Variants in ASXL3 observed in about 807,000 individuals in gnomAD.
The protein encoded by ASXL3 is ASXL transcriptional regulator 3, also known as putative Polycomb group protein ASXL3.
A neutral mutation model predicts 170.6 loss-of-function variants in ASXL3; 34 were observed. That is an observed-to-expected ratio of 0.20 (90% CI 0.15 to 0.27). The LOEUF (loss-of-function observed/expected upper bound fraction) is 0.27. Among genes scored for constraint, ASXL3 ranks in the 10% least tolerant of loss-of-function variants. The probability of loss-of-function intolerance (pLI) is 1.00; values close to 1 mark genes in which losing one functional copy is unlikely to be tolerated. For missense variants in ASXL3, 2,592 were observed against 2,695.3 expected (o/e 0.96, Z 0.85); for synonymous variants, 1,002 against 989.1 (o/e 1.01, Z -0.24).
chr18:33,637,684 T>A (rs1453773725), intron 2 of ASXL3, among the ~76,000 whole-genome samples: 1 of 152,170 alleles, frequency 6.6e-6, no homozygotes, highest in Non-Finnish European at 1.5e-5. Context: ...TTTTTGAGCT[T>A]GCAGGGGTGG....
At chr18:33,684,284 T>G (rs76180803) in intron 8 of ASXL3, among the ~76,000 whole-genome samples, 5 of 152,168 alleles carry the variant, frequency 3.3e-5, no homozygotes, top group African/African-American at 1.2e-4. Flanking sequence ...TTCAGTGAAT[T>G]CTGAAACTGT....
At position 33,607,676 on chromosome 18, in the gene ASXL3, G is replaced by T; in HGVS notation, c.137G>T (p.Ser46Ile). The change falls in exon 2 of 12, where the codon AGT (serine) becomes ATT (isoleucine). Residue 46 changes from serine to isoleucine, a missense_variant and splice_region_variant. Transcript: ENST00000269197. ...VIQKEGLKETSGTSPLACLNA... is the reference protein window; with the variant it reads ...VIQKEGLKETIGTSPLACLNA... ...CAGAAAGAAGGGTTAAAAGAAACAA[G>T]GTCAGTATCCATATTTAAAACATTT... 1 of 1,568,186 alleles carries T rather than the reference G, an allele frequency of 6.4e-7. No homozygotes were observed. The highest frequency in any genetic ancestry group is 8.7e-7 in the Non-Finnish European group (1 of 1,154,512).
In ASXL3 at chr18:33,661,635, T is replaced by C. The variant is rs1170984292; in HGVS notation, c.375T>C (p.Thr125=). The stretch of plus-strand genomic sequence containing the variant: ...TTCTAGTTTGTTCGAAGCAGGTAAC[T>C]GATGAAGCATCTTCCACTCGAGATT... The part of the protein sequence containing the change: ...EENGVCSKQV[T]DEASSTRDSS... Residue 125 remains threonine (T), a synonymous_variant, in exon 5 of 12, where the codon ACT becomes ACC. Transcript: ENST00000269197. 8.7e-6 allele frequency: 14 copies of C among 1,611,358 alleles called. No homozygotes were observed. In the African/African-American group the frequency reaches 1.1e-4, roughly 12 times the overall value.
At chr18:33,727,739 A>G (rs1253541835) in intron 8 of ASXL3, among the ~76,000 whole-genome samples, 1 of 152,184 alleles carries the variant, frequency 6.6e-6, no homozygotes, top group Admixed American at 6.5e-5. Flanking sequence ...AGAAATGTTT[A>G]TTGTTCCAGT....
At chr18:33,590,295 T>C (rs1280903055) in intron 1 of ASXL3, among the ~76,000 whole-genome samples, 1 of 151,952 alleles carries the variant, frequency 6.6e-6, no homozygotes. Context: ...ATCTCTCTCT[T>C]ATTTTTTAAG....
chr18:33,662,829 GT>G (rs938087361), intron 5 of ASXL3, among the ~76,000 whole-genome samples: 4 of 152,056 alleles, frequency 2.6e-5, no homozygotes, highest in South Asian at 2.1e-4. Context: ...CTAAAATAGA[GT>G]TTTTTTAAGT....
At chr18:33,597,193 A>C (rs1318604745) in intron 1 of ASXL3, among the ~76,000 whole-genome samples, 1 of 152,100 alleles carries the variant, frequency 6.6e-6, no homozygotes, top group African/African-American at 2.4e-5. Context: ...ATTACATAAT[A>C]TGTAGAGTCT....
Position 33,578,493 on chromosome 18 carries a change from CG to C in ASXL3, c.-138del. The C allele has an allele frequency of 3.0e-6, 1 of 334,348 alleles. No individual in the cohort carries two copies. Among genetic ancestry groups the C allele is most frequent in the Non-Finnish European group, 4.5e-6 (1 of 219,888 alleles). The allele number at this position is 334,348 out of a possible 1,614,324, so 20.7% of individuals were successfully genotyped here. ...CCGCCGCCGCCGCCGCCGCCGCCGC[CG>C]CCGCCACCGCCCGCGCGCCTCCCCC... On this transcript the variant is annotated 5_prime_UTR_variant, in exon 1 of 12. Coordinates refer to ENST00000269197, the MANE Select transcript of ASXL3 (RefSeq NM_030632.3).
At chr18:33,597,807 C>T (rs573214238) in intron 1 of ASXL3, among the ~76,000 whole-genome samples, 19 of 137,754 alleles carry the variant, frequency 1.4e-4, no homozygotes, top group Non-Finnish European at 2.1e-4. Context: ...AAAAAAAAAA[C>T]AAAAAAAACA....
intron 8 of ASXL3, among the ~76,000 whole-genome samples, chr18:33,691,411 G>C (rs181099355): frequency 6.6e-6 from 1 of 152,282 alleles, no homozygotes; most frequent in African/African-American, 2.4e-5. Context: ...ATCCTAACTT[G>C]AAGGAGCTGT....
chr18:33,745,338 A>G lies in ASXL3; in HGVS notation c.5490A>G (p.Arg1830=), dbSNP rs771179240. Residue 1830 remains arginine, a synonymous_variant, in exon 12 of 12, where the codon AGA becomes AGG. Coordinates refer to ENST00000269197, the MANE Select transcript of ASXL3 (RefSeq NM_030632.3). ...MRKRENHPKK[R]VARTVGEHTQ... ...AGCGAGAAAACCACCCCAAAAAGAG[A>G]GTAGCTAGGACTGTAGGAGAACACA... 3.1e-6 allele frequency: 5 copies of G among 1,613,844 alleles called. No individual in the cohort carries two copies. Among genetic ancestry groups the G allele is most frequent in the Admixed American group, 1.7e-5 (1 of 59,996 alleles).
At chr18:33,698,265 T>C (rs1045990756) in intron 8 of ASXL3, among the ~76,000 whole-genome samples, 10 of 152,180 alleles carry the variant, frequency 6.6e-5, no homozygotes, top group African/African-American at 1.4e-4. Context: ...TTTGGAAGCA[T>C]AGAATATCCT....
chr18:33,704,304 A>G (rs2066924124), intron 8 of ASXL3, among the ~76,000 whole-genome samples: 1 of 152,094 alleles, frequency 6.6e-6, no homozygotes, highest in African/African-American at 2.4e-5. Context: ...TGCCTCTGAA[A>G]AAAGAATTAT....
At chr18:33,619,065 T>C (rs2065470716) in intron 2 of ASXL3, among the ~76,000 whole-genome samples, 1 of 152,144 alleles carries the variant, frequency 6.6e-6, no homozygotes, top group African/African-American at 2.4e-5. Context: ...ATAAATTACC[T>C]TGAAACAAAA....
At chr18:33,665,887 C>T (rs2066248240) in intron 5 of ASXL3, among the ~76,000 whole-genome samples, 1 of 152,076 alleles carries the variant, frequency 6.6e-6, no homozygotes, top group Non-Finnish European at 1.5e-5. Flanking sequence ...GTGATATGAT[C>T]TTTACTTTTC....
intron 2 of ASXL3, among the ~76,000 whole-genome samples, chr18:33,623,981 A>C (rs1258938389): frequency 6.6e-6 from 1 of 152,060 alleles, no homozygotes; most frequent in Non-Finnish European, 1.5e-5. Context: ...AAATATAGCA[A>C]GACCCCTTAT....
chr18:33,661,773 T>G lies in ASXL3; in HGVS notation c.477+36T>G, dbSNP rs998279281. 5 of 1,598,992 alleles carry G rather than the reference T, an allele frequency of 3.1e-6. No individual in the cohort carries two copies. The African/African-American group carries it at 5.4e-5, about 17-fold the overall frequency. ...TGCCATTTATTCTTTGTCCTTCAGT[T>G]CTGCATACTTAAGGTAATGTGTGTT... is the stretch of plus-strand genomic sequence containing the variant. On this transcript the variant is annotated intron_variant, in intron 5 of 11. Coordinates refer to ENST00000269197, the MANE Select transcript of ASXL3 (RefSeq NM_030632.3).
intron 5 of ASXL3, among the ~76,000 whole-genome samples, chr18:33,667,041 G>T (rs2066267679): frequency 6.6e-6 from 1 of 152,150 alleles, no homozygotes; most frequent in Non-Finnish European, 1.5e-5. Context: ...GCACTGAGGG[G>T]AAGTGCGGAG....
intron 8 of ASXL3, among the ~76,000 whole-genome samples, chr18:33,726,632 TTTA>T (rs1315176601): frequency 6.6e-6 from 1 of 152,018 alleles, no homozygotes; most frequent in African/African-American, 2.4e-5. Flanking sequence ...ACATGTTTCT[TTTA>T]TTTTTTCCAG....
Sources: gnomAD v4.1 joint callset for allele counts (sites outside exome capture counted in the v4.1 genomes callset) on GRCh38, gnomAD v4.1.1 for gene constraint, MANE v1.5 for transcripts, NCBI Gene and HGNC (gene_info 2026-07-23, HGNC 2026-07-21) for gene names.